The following SLC1A2 variants were observed in gnomAD, a reference collection of about 807,000 sequenced individuals.
The protein encoded by SLC1A2 is excitatory amino acid transporter 2.
Under a neutral mutation model 48.8 loss-of-function variants are expected in SLC1A2, and 15 were observed. The ratio of observed to expected loss-of-function variants is 0.31; its 90% CI spans 0.21 to 0.47. SLC1A2 has a LOEUF of 0.47. SLC1A2 is among the 20% of genes least tolerant of loss of function. SLC1A2 has a pLI of 0.99. For missense variants in SLC1A2, 502 were observed against 730.5 expected (o/e 0.69, Z 3.61); for synonymous variants, 279 against 272.6 (o/e 1.02, Z -0.23).
chr11:35,414,514 T>A (rs937726118), intron 1 of SLC1A2, among the ~76,000 whole-genome samples: 1 of 152,094 alleles, frequency 6.6e-6, no homozygotes, highest in African/African-American at 2.4e-5. Context: ...AGTTGGCACT[T>A]GGAGAGTTGC....
rs973876023 is a variant in SLC1A2, at chr11:35,419,146, T to C, written c.-180A>G. 6.0e-6 allele frequency: 3 copies of C among 497,958 alleles called. No individual in the cohort carries two copies. The highest frequency in any genetic ancestry group is 4.1e-5 in the African/African-American group (2 of 49,238). The allele number at this position is 497,958 out of a possible 1,614,324, so 30.8% of individuals were successfully genotyped here. A position where few individuals can be genotyped will look rare whatever the true frequency, so the allele number is the denominator to read the frequency against. ...CGCCTCAACGGGCGCAGGAGGCTCC[T>C]GCGGGCGCTAATCCGCGTCCCGGCT... is the stretch of plus-strand genomic sequence containing the variant. On this transcript the variant is annotated 5_prime_UTR_variant, in exon 1 of 11. Coordinates refer to ENST00000278379, the MANE Select transcript of SLC1A2 (RefSeq NM_004171.4). The surrounding 1 kb of genome is among the most constrained non-coding windows in gnomAD (Gnocchi z 5.4).
chr11:35,301,497 A>T (rs1591446054), intron 6 of SLC1A2, 22 bp downstream of exon 6: 1 of 1,611,980 alleles, frequency 6.2e-7, no homozygotes, highest in East Asian at 2.2e-5. Flanking sequence ...CACTGCTAAG[A>T]AGTAAGAACA....
intron 1 of SLC1A2, among the ~76,000 whole-genome samples, chr11:35,364,885 A>G (rs1289581940): frequency 1.3e-5 from 2 of 152,096 alleles, no homozygotes; most frequent in African/African-American, 4.8e-5. Flanking sequence ...CCTCAAGACA[A>G]CCCTGTGAGG....
rs1164499588 is a variant in SLC1A2 at position 35,419,537 on chromosome 11, T to G, written c.-571A>C. 2 of 157,146 alleles carry G rather than the reference T, an allele frequency of 1.3e-5. No individual in the cohort carries two copies. Among genetic ancestry groups the G allele is most frequent in the Admixed American group, 1.3e-4 (2 of 15,336 alleles). The allele number at this position is 157,146 out of a possible 1,614,324, so 9.7% of individuals were successfully genotyped here. ...ATTTGCAGGCGATCCCTCTCTATTTTCGTCGAGAGCTGACATCACCCGCGC... is the reference window on the plus strand; with the variant it reads ...ATTTGCAGGCGATCCCTCTCTATTTGCGTCGAGAGCTGACATCACCCGCGC... On this transcript the variant is annotated 5_prime_UTR_variant, in exon 1 of 11. Coordinates refer to ENST00000278379, the MANE Select transcript of SLC1A2 (RefSeq NM_004171.4). The surrounding 1 kb of genome is among the most constrained non-coding windows in gnomAD (Gnocchi z 5.4).
intron 6 of SLC1A2, among the ~76,000 whole-genome samples, chr11:35,301,180 TAAGA>T (rs1162848226): frequency 2.0e-5 from 3 of 152,142 alleles, no homozygotes; most frequent in African/African-American, 7.2e-5. Flanking sequence ...TCCAGAACCA[TAAGA>T]AAGAAATTTC....
chr11:35,390,889 C>T (rs952287531), intron 1 of SLC1A2: 1 of 152,236 alleles, frequency 6.6e-6, no homozygotes, highest in Non-Finnish European at 1.5e-5. Context: ...TGGTCTGGAA[C>T]TCCTGACCTC....
At position 35,410,623 on chromosome 11, in the gene SLC1A2, G is replaced by A. The variant is rs150227381; in HGVS notation, c.17+8327C>T. Reference sequence around the variant, plus strand: ...GCCCAGCTGCTGGGCATGTTGATAAGTGACAGCTCTTAACTATATTCCCCC... The same window carrying A: ...GCCCAGCTGCTGGGCATGTTGATAAATGACAGCTCTTAACTATATTCCCCC... On this transcript the variant is annotated intron_variant, in intron 1 of 10. Transcript: ENST00000278379. Among the ~76,000 whole-genome samples, 237 of 152,260 alleles carry A rather than the reference G, an allele frequency of 1.6e-3. 1 individual carries two copies. The highest frequency in any genetic ancestry group is 5.2e-3 in the African/African-American group (218 of 41,546).
chr11:35,321,391 C>T (rs1314997620), intron 1 of SLC1A2, among the ~76,000 whole-genome samples: 1 of 152,058 alleles, frequency 6.6e-6, no homozygotes, highest in African/African-American at 2.4e-5. Context: ...GATGAAGGGA[C>T]ATTTGAATAG....
chr11:35,366,731 A>G, intron 1 of SLC1A2, among the ~76,000 whole-genome samples: 1 of 152,186 alleles, frequency 6.6e-6, no homozygotes, highest in East Asian at 1.9e-4. Context: ...AACACAAAAC[A>G]GAAGTAACAC....
chr11:35,410,826 T>G (rs1446977314), intron 1 of SLC1A2, among the ~76,000 whole-genome samples: 1 of 152,154 alleles, frequency 6.6e-6, no homozygotes, highest in African/African-American at 2.4e-5. Context: ...TGCGACTGTT[T>G]CAACCTCTCC....
intron 7 of SLC1A2, among the ~76,000 whole-genome samples, chr11:35,290,325 G>T (rs1850955903): frequency 1.3e-5 from 2 of 152,038 alleles, no homozygotes; most frequent in South Asian, 4.2e-4. Flanking sequence ...GCTAGGACAG[G>T]GTGGGGTTTG....
rs1348584928 is a variant in SLC1A2 at position 35,286,845 on chromosome 11, C to T, written c.1198G>A (p.Gly400Ser). The T allele has an allele frequency of 6.2e-7, 1 of 1,613,960 alleles. No homozygotes were observed. Among genetic ancestry groups the T allele is most frequent in the Non-Finnish European group, 8.5e-7 (1 of 1,179,866 alleles). ...LPVGATINMD[G>S]TALYEAVAAI... ...GCTACCGCTTCATAAAGGGCTGTAC[C>T]ATCCATGTTAATGGTTGCTCCAACA... The change falls in exon 8 of 11, where the codon GGT (glycine) becomes AGT (serine). Residue 400 changes from glycine (G) to serine (S), a missense_variant. Physicochemically the swap from Gly to Ser is moderately conservative, Grantham distance 56. This residue lies in a region of SLC1A2 where 309 missense variants were observed against 480.3 expected (regional missense o/e 0.64). Coordinates refer to ENST00000278379, the MANE Select transcript of SLC1A2 (RefSeq NM_004171.4).
intron 1 of SLC1A2, among the ~76,000 whole-genome samples, chr11:35,357,880 C>T (rs964045754): frequency 6.6e-5 from 10 of 152,160 alleles, no homozygotes; most frequent in African/African-American, 2.4e-4. Context: ...TGTGCCATGG[C>T]TCATGCCTGT....
intron 1 of SLC1A2, among the ~76,000 whole-genome samples, chr11:35,369,146 G>A (rs555947686): frequency 2.6e-5 from 4 of 152,134 alleles, no homozygotes; most frequent in Non-Finnish European, 5.9e-5. Flanking sequence ...AAAACATCAA[G>A]TCCTGCTCTG....
At chr11:35,383,558 C>T (rs767358693) in intron 1 of SLC1A2, among the ~76,000 whole-genome samples, 2 of 152,188 alleles carry the variant, frequency 1.3e-5, no homozygotes, top group African/African-American at 2.4e-5. Context: ...TACCCAGATT[C>T]TCTGTGTTTC....
intron 1 of SLC1A2, among the ~76,000 whole-genome samples, chr11:35,414,383 C>T (rs1217104123): frequency 6.6e-5 from 10 of 152,170 alleles, no homozygotes; most frequent in Admixed American, 4.6e-4. Context: ...TAATGAGATG[C>T]TAGTCCTTTT....
chr11:35,254,491 G>C lies in SLC1A2; in HGVS notation c.*6403C>G, dbSNP rs573362028. The stretch of plus-strand genomic sequence containing the variant: ...GGGGGAGAAACCTCAGAGATGTGCT[G>C]GACCAACTTCCTTGGCTAGTGTGTG... On this transcript the variant is annotated 3_prime_UTR_variant, in exon 11 of 11. Transcript: ENST00000278379. 40 of 248,218 alleles carry C rather than the reference G, an allele frequency of 1.6e-4. 1 individual carries two copies. In the Admixed American group the frequency reaches 1.7e-3, roughly 10 times the overall value. 15.4% of individuals were successfully genotyped at this position (248,218 alleles called of 1,614,324 possible).
chr11:35,368,573 C>T (rs903941288), intron 1 of SLC1A2, among the ~76,000 whole-genome samples: 2 of 152,328 alleles, frequency 1.3e-5, no homozygotes, highest in South Asian at 2.1e-4. Context: ...CTATCAAGCT[C>T]ACGTAGCCTT....
intron 6 of SLC1A2, among the ~76,000 whole-genome samples, chr11:35,297,409 C>T (rs111981053): frequency 1.3e-5 from 2 of 152,140 alleles, no homozygotes; most frequent in East Asian, 1.9e-4. Context: ...CTCTCTCCCC[C>T]ACTCCAAAAT....
Sources: allele counts gnomAD v4.1 joint callset (sites outside exome capture counted in the v4.1 genomes callset), GRCh38; gene constraint gnomAD v4.1.1; regional missense constraint gnomAD v4.1.1; non-coding constraint Gnocchi (gnomAD v3.1); transcripts MANE v1.5; gene names NCBI Gene and HGNC (gene_info 2026-07-23, HGNC 2026-07-21).